The following LGSN variants were observed in gnomAD, a reference collection of about 807,000 sequenced individuals.
LGSN encodes lengsin.
In LGSN, 21 loss-of-function variants were observed where a neutral mutation model predicts 19.5. That is an observed-to-expected ratio of 1.07 (90% CI 0.76 to 1.55). LGSN has a LOEUF of 1.55. Among genes scored for constraint, LGSN ranks in the 40% most tolerant of loss-of-function variants. The pLI, the probability that LGSN is intolerant of heterozygous loss-of-function variation, is 0.00. For missense variants in LGSN, 673 were observed against 608.5 expected (o/e 1.11, Z -1.12); for synonymous variants, 257 against 215.6 (o/e 1.19, Z -1.68).
At chr6:63,371,869 G>A in the LGSN span, among the ~76,000 whole-genome samples, 3 of 152,208 alleles carry the variant, frequency 2.0e-5, no homozygotes, top group Admixed American at 6.5e-5. Context: ...CTTATTCTCA[G>A]TTCATAGTTT....
the LGSN span, among the ~76,000 whole-genome samples, chr6:63,541,815 C>T: frequency 6.6e-6 from 1 of 152,194 alleles, no homozygotes; most frequent in African/African-American, 2.4e-5. Flanking sequence ...AACCTCCTTA[C>T]ACCCTTAATG....
chr6:63,536,588 T>C, the LGSN span, among the ~76,000 whole-genome samples: 1 of 152,194 alleles, frequency 6.6e-6, no homozygotes, highest in South Asian at 2.1e-4. Flanking sequence ...TTTTATCCTG[T>C]TTTAAAATTG....
the LGSN span, among the ~76,000 whole-genome samples, chr6:63,526,738 G>A: frequency 6.7e-6 from 1 of 148,412 alleles, no homozygotes; most frequent in Admixed American, 6.8e-5. Flanking sequence ...GGCAGAGGCT[G>A]CAGTGAGTCG....
At chr6:63,343,200 C>T in the LGSN span, among the ~76,000 whole-genome samples, 28 of 152,284 alleles carry the variant, frequency 1.8e-4, no homozygotes, top group South Asian at 1.2e-3. Context: ...TAAGCTAACT[C>T]AGTATGTAGG....
the LGSN span, among the ~76,000 whole-genome samples, chr6:63,375,933 C>G: frequency 6.6e-6 from 1 of 151,960 alleles, no homozygotes; most frequent in Non-Finnish European, 1.5e-5. Flanking sequence ...TTGTTTGGTC[C>G]TTAGAACCAA....
intron 2 of LGSN, 140 bp downstream of exon 2, chr6:63,294,773 T>G: frequency 1.3e-6 from 1 of 779,502 alleles, no homozygotes; most frequent in South Asian, 1.6e-5. Flanking sequence ...TGCCATCTTT[T>G]ATGACACTTA....
chr6:63,553,185 A>G, the LGSN span, among the ~76,000 whole-genome samples: 1 of 152,200 alleles, frequency 6.6e-6, no homozygotes, highest in South Asian at 2.1e-4. Context: ...GCCTCATCAA[A>G]TAAGTCCTCA....
chr6:63,291,801 C>T (rs1324397695), intron 2 of LGSN, among the ~76,000 whole-genome samples: 2 of 152,146 alleles, frequency 1.3e-5, no homozygotes, highest in African/African-American at 2.4e-5. Context: ...TCTTCCATAC[C>T]TAATCTCTGG....
At chr6:63,562,742 A>G in the LGSN span, among the ~76,000 whole-genome samples, 55 of 152,208 alleles carry the variant, frequency 3.6e-4, no homozygotes, top group Non-Finnish European at 6.2e-4. Context: ...ATACCTAAAT[A>G]TACAACTTTT....
the LGSN span, among the ~76,000 whole-genome samples, chr6:63,493,025 C>A: frequency 1.1e-3 from 166 of 152,290 alleles, 1 homozygote; most frequent in Middle Eastern, 6.8e-3. Context: ...ACCATTGGTA[C>A]TCTTTATTAA....
chr6:63,358,508 TG>T, the LGSN span, among the ~76,000 whole-genome samples: 1 of 152,140 alleles, frequency 6.6e-6, no homozygotes, highest in African/African-American at 2.4e-5. Flanking sequence ...TTTATGTCAT[TG>T]AGCAGTGGTT....
At chr6:63,343,170 A>G in the LGSN span, among the ~76,000 whole-genome samples, 141 of 152,348 alleles carry the variant, frequency 9.3e-4, 2 homozygotes, top group Admixed American at 2.2e-3. Context: ...TACCAATAAA[A>G]TAGTTGAAAG....
chr6:63,373,774 A>T, the LGSN span, among the ~76,000 whole-genome samples: 1 of 152,030 alleles, frequency 6.6e-6, no homozygotes, highest in East Asian at 1.9e-4. Context: ...GAGGTTCGAG[A>T]TCAGCCTGGC....
the LGSN span, among the ~76,000 whole-genome samples, chr6:63,412,356 G>A: frequency 6.8e-6 from 1 of 146,732 alleles, no homozygotes; most frequent in East Asian, 2.0e-4. Flanking sequence ...AACAGAGCAA[G>A]ACTCCATCAA....
chr6:63,365,040 G>T, the LGSN span, among the ~76,000 whole-genome samples: 1 of 152,008 alleles, frequency 6.6e-6, no homozygotes, highest in Non-Finnish European at 1.5e-5. Context: ...AGAAGCAAGA[G>T]CAAACACATT....
chr6:63,300,606 C>T (rs1768146169), intron 1 of LGSN, among the ~76,000 whole-genome samples: 1 of 152,102 alleles, frequency 6.6e-6, no homozygotes, highest in African/African-American at 2.4e-5. Context: ...GCAAAAATTG[C>T]AGTGAGCCAA....
chr6:63,462,800 A>G, the LGSN span, among the ~76,000 whole-genome samples: 3 of 152,140 alleles, frequency 2.0e-5, no homozygotes, highest in African/African-American at 7.2e-5. Context: ...CTTCGTCTAC[A>G]TAATCCAATG....
At chr6:63,382,524 C>G in the LGSN span, among the ~76,000 whole-genome samples, 1 of 152,184 alleles carries the variant, frequency 6.6e-6, no homozygotes, top group Non-Finnish European at 1.5e-5. Flanking sequence ...TGAGATGACA[C>G]AGAAGCATGT....
chr6:63,384,793 C>A, the LGSN span, among the ~76,000 whole-genome samples: 1 of 152,226 alleles, frequency 6.6e-6, no homozygotes, highest in Non-Finnish European at 1.5e-5. Flanking sequence ...GCTGGGATTA[C>A]AGGCATGAGC....
Sources: gnomAD v4.1 joint callset for allele counts (sites outside exome capture counted in the v4.1 genomes callset) on GRCh38, gnomAD v4.1.1 for gene constraint, MANE v1.5 for transcripts, NCBI Gene and HGNC (gene_info 2026-07-23, HGNC 2026-07-21) for gene names.